TEX2: variants seen among roughly 807,000 people sequenced by gnomAD.
TEX2 encodes the protein testis expressed 2, also known as testis-expressed protein 2.
In TEX2, 53 loss-of-function variants were observed where a neutral mutation model predicts 106.9. The ratio of observed to expected loss-of-function variants is 0.50; its 90% confidence interval spans 0.40 to 0.62. The LOEUF (loss-of-function observed/expected upper bound fraction) is 0.62. Among genes scored for constraint, TEX2 ranks in the 20% least tolerant of loss-of-function variants. The pLI, the probability that TEX2 is intolerant of heterozygous loss-of-function variation, is 0.00. For synonymous variants in TEX2, 523 were observed against 534.8 expected (o/e 0.98, Z 0.30); for missense variants, 1,207 against 1,379.0 (o/e 0.88, Z 1.98).
At chr17:64,218,983 C>A (rs940883956) in intron 1 of TEX2, among the ~76,000 whole-genome samples, 2 of 152,066 alleles carry the variant, frequency 1.3e-5, no homozygotes, top group Admixed American at 1.3e-4. Context: ...AGAAGAAATT[C>A]TCTCCCCACG....
chr17:64,192,152 C>T (rs1233838901), intron 4 of TEX2, among the ~76,000 whole-genome samples: 1 of 152,150 alleles, frequency 6.6e-6, no homozygotes, highest in Non-Finnish European at 1.5e-5. Flanking sequence ...AGTTCTTACC[C>T]ACTTGAATTT....
intron 1 of TEX2, among the ~76,000 whole-genome samples, chr17:64,232,112 C>T (rs2033670827): frequency 6.6e-6 from 1 of 152,170 alleles, no homozygotes; most frequent in South Asian, 2.1e-4. Flanking sequence ...TGTACATATA[C>T]ATCGTAATAC....
intron 1 of TEX2, among the ~76,000 whole-genome samples, chr17:64,246,069 A>G (rs2033982745): frequency 1.3e-5 from 2 of 152,214 alleles, no homozygotes; most frequent in Non-Finnish European, 2.9e-5. Context: ...CTCAGAAGCA[A>G]TATGGAAAGG....
At chr17:64,154,768 G>A (rs1369261828) in intron 9 of TEX2, 74 bp downstream of exon 9, 2 of 1,427,118 alleles carry the variant, frequency 1.4e-6, no homozygotes, top group Admixed American at 5.3e-5. Context: ...GGAAGGAAGG[G>A]AAACAAGGTT....
In TEX2 at chr17:64,228,724, G is replaced by A. The variant is rs147803922; in HGVS notation, c.-25-14482C>T. 5.9e-3 allele frequency among the ~76,000 whole-genome samples: 894 copies of A among 152,236 alleles called. 3 individuals are homozygous for A. Among genetic ancestry groups the A allele is most frequent in the Non-Finnish European group, 8.9e-3 (604 of 68,004 alleles). On this transcript the variant is annotated intron_variant, in intron 1 of 11. Coordinates refer to ENST00000584379, the MANE Select transcript of TEX2 (RefSeq NM_001288732.2). Reference sequence around the variant, plus strand: ...ATGGACCGCTCCTGGTCTGTGGCCCGGGGATTGGGGACCCCTGGTTTAGAA... The same window carrying A: ...ATGGACCGCTCCTGGTCTGTGGCCCAGGGATTGGGGACCCCTGGTTTAGAA...
At chr17:64,235,393 A>G (rs1350683755) in intron 1 of TEX2, among the ~76,000 whole-genome samples, 2 of 152,196 alleles carry the variant, frequency 1.3e-5, no homozygotes, top group African/African-American at 2.4e-5. Context: ...CTGTGCTCCA[A>G]GAAAGTGTTC....
intron 1 of TEX2, among the ~76,000 whole-genome samples, chr17:64,247,983 G>A (rs1313604255): frequency 6.6e-6 from 1 of 152,142 alleles, no homozygotes; most frequent in Non-Finnish European, 1.5e-5. Flanking sequence ...GTGAGTGCAT[G>A]GTCCTAGGGC....
At chr17:64,245,804 C>T (rs527796176) in intron 1 of TEX2, among the ~76,000 whole-genome samples, 37 of 152,124 alleles carry the variant, frequency 2.4e-4, no homozygotes, top group African/African-American at 8.4e-4. Context: ...CCCAGCACAA[C>T]AGAGAGCAAA....
chr17:64,147,926 A>C lies in TEX2; in HGVS notation c.*1043T>G, dbSNP rs2030132392. 1 of 152,656 alleles carries C rather than the reference A, an allele frequency of 6.6e-6. No individual in the cohort carries two copies. The highest frequency in any genetic ancestry group is 1.5e-5 in the Non-Finnish European group (1 of 68,030). 9.5% of individuals were successfully genotyped at this position (152,656 alleles called of 1,614,324 possible). On this transcript the variant is annotated 3_prime_UTR_variant, in exon 12 of 12. Transcript: ENST00000584379. ...AAGCAAAGAGAGCCCCCAACCTTGTAAACTAAACATTCTGACACAAATGCA... is the reference window on the plus strand; with the variant it reads ...AAGCAAAGAGAGCCCCCAACCTTGTCAACTAAACATTCTGACACAAATGCA...
Position 64,213,637 on chromosome 17 carries a change from G to C in TEX2, c.581C>G (p.Ser194Cys), listed in dbSNP as rs782127807. The change falls in exon 2 of 12, where the codon TCC becomes TGC. Residue 194 changes from serine (S) to cysteine (C), a missense_variant. Physicochemically the swap from Ser to Cys is moderately radical, Grantham distance 112. Transcript: ENST00000584379. The surrounding 1 kb of genome is among the most constrained non-coding windows in gnomAD (Gnocchi z 4.4). ...SAKPFMSLVK[S>C]LSTEVEPKES... ...TTTTGGCTCCACCTCGGTCGACAGG[G>C]ACTTCACAAGGCTCATGAAGGGTTT... is the stretch of plus-strand genomic sequence containing the variant. 25 of 1,614,036 alleles carry C rather than the reference G, an allele frequency of 1.5e-5. No homozygotes were observed. The highest frequency in any genetic ancestry group is 2.0e-5 in the Non-Finnish European group (24 of 1,180,016).
intron 1 of TEX2, among the ~76,000 whole-genome samples, chr17:64,220,546 A>G (rs2143184496): frequency 6.6e-6 from 1 of 151,730 alleles, no homozygotes; most frequent in South Asian, 2.1e-4. Context: ...GGCAAAGGAC[A>G]TGAACAGACA....
chr17:64,218,969 T>C (rs560796425), intron 1 of TEX2, among the ~76,000 whole-genome samples: 1 of 152,222 alleles, frequency 6.6e-6, no homozygotes, highest in South Asian at 2.1e-4. Flanking sequence ...TCCAGGGACC[T>C]GGCAGAAGAA....
intron 6 of TEX2, among the ~76,000 whole-genome samples, chr17:64,174,435 A>G (rs903285): frequency 0.72 from 109,518 of 151,860 alleles, 39,606 homozygotes; most frequent in East Asian, 0.83. Flanking sequence ...TTATTTGCCC[A>G]TCTATCCAAC....
intron 5 of TEX2, among the ~76,000 whole-genome samples, chr17:64,186,830 AAAAAG>A (rs1238093064): frequency 3.9e-5 from 6 of 152,102 alleles, no homozygotes; most frequent in African/African-American, 1.4e-4. Context: ...TGTCTCAAAA[AAAAAG>A]AGGTCAAACA....
intron 2 of TEX2, among the ~76,000 whole-genome samples, chr17:64,207,741 C>CTT (rs1427266888): frequency 1.4e-5 from 2 of 143,422 alleles, no homozygotes; most frequent in Non-Finnish European, 3.1e-5. Context: ...TTTTTTTTTT[C>CTT]TTTTTTTTTT....
chr17:64,225,691 A>G (rs1301341979), intron 1 of TEX2, among the ~76,000 whole-genome samples: 1 of 150,804 alleles, frequency 6.6e-6, no homozygotes, highest in East Asian at 1.9e-4. Flanking sequence ...AAAACAACAC[A>G]TTTTTCTTTT....
Position 64,147,797 on chromosome 17 carries a change from A to G in TEX2, c.*1172T>C, listed in dbSNP as rs145520447. The stretch of plus-strand genomic sequence containing the variant: ...GCAAGGTGCTGTTTAAAAAACCACT[A>G]TTAGCTTTGTCCACACATGTAAGTT... On this transcript the variant is annotated 3_prime_UTR_variant, in exon 12 of 12. Coordinates refer to ENST00000584379, the MANE Select transcript of TEX2 (RefSeq NM_001288732.2). 37 of 152,742 alleles carry G rather than the reference A, an allele frequency of 2.4e-4. No homozygotes were observed. The highest frequency in any genetic ancestry group is 8.9e-4 in the African/African-American group (37 of 41,578). 9.5% of individuals were successfully genotyped at this position (152,742 alleles called of 1,614,324 possible). A position where few individuals can be genotyped will look rare whatever the true frequency, so the allele number is the denominator to read the frequency against.
intron 1 of TEX2, among the ~76,000 whole-genome samples, chr17:64,253,318 C>CTTCT (rs200956910): frequency 3.1e-5 from 3 of 97,026 alleles, no homozygotes; most frequent in East Asian, 4.3e-4. Context: ...TTAATTTTTC[C>CTTCT]TTCTTTCTTT....
intron 1 of TEX2, among the ~76,000 whole-genome samples, chr17:64,231,160 C>T (rs1555634567): frequency 6.6e-6 from 1 of 152,216 alleles, no homozygotes; most frequent in African/African-American, 2.4e-5. Context: ...TCCTCAGCAG[C>T]CCCTATCTTT....
Sources: allele counts gnomAD v4.1 joint callset (sites outside exome capture counted in the v4.1 genomes callset), GRCh38; gene constraint gnomAD v4.1.1; non-coding constraint Gnocchi (gnomAD v3.1); transcripts MANE v1.5; gene names NCBI Gene and HGNC (gene_info 2026-07-23, HGNC 2026-07-21).